The following CTNNA3 variants were observed in gnomAD, a reference collection of about 807,000 sequenced individuals.
CTNNA3 encodes catenin alpha-3.
A neutral mutation model predicts 95.7 loss-of-function variants in CTNNA3; 76 were observed. The observed-to-expected ratio is 0.79, with a 90% CI of 0.66 to 0.96. The LOEUF is 0.96. CTNNA3 is among the 40% of genes least tolerant of loss of function. The pLI is 0.00. For missense variants in CTNNA3, 1,191 were observed against 1,089.8 expected (o/e 1.09, Z -1.31); for synonymous variants, 431 against 374.4 (o/e 1.15, Z -1.74).
intron 7 of CTNNA3, among the ~76,000 whole-genome samples, chr10:66,790,295 C>T (rs1185250542): frequency 3.3e-5 from 5 of 151,956 alleles, no homozygotes; most frequent in Non-Finnish European, 7.4e-5. Context: ...CTAAAAAATA[C>T]AAAAATTACC....
At position 66,441,838 on chromosome 10, in the gene CTNNA3, T is replaced by C. The variant is rs560916915; in HGVS notation, c.1532-62486A>G. On this transcript the variant is annotated intron_variant, in intron 11 of 17. Transcript: ENST00000433211. Reference sequence around the variant, plus strand: ...AGCTGTGTATTTGCCAGATTAGAAATAAGGCTAGACTTCTGATTTCTGGAG... The same window carrying C: ...AGCTGTGTATTTGCCAGATTAGAAACAAGGCTAGACTTCTGATTTCTGGAG... 2.6e-5 allele frequency among the ~76,000 whole-genome samples: 4 copies of C among 152,306 alleles called. No homozygotes were observed. In the South Asian group the frequency reaches 8.3e-4, roughly 32 times the overall value.
At chr10:66,609,337 A>C (rs187116246) in intron 10 of CTNNA3, among the ~76,000 whole-genome samples, 4 of 149,234 alleles carry the variant, frequency 2.7e-5, no homozygotes, top group African/African-American at 9.9e-5. Flanking sequence ...TGCTGGGATT[A>C]CAGTTGTCAG....
At position 66,195,425 on chromosome 10, in the gene CTNNA3, T is replaced by C. The variant is rs146323034; in HGVS notation, c.1884+85045A>G. On this transcript the variant is annotated intron_variant, in intron 13 of 17. Coordinates refer to ENST00000433211, the MANE Select transcript of CTNNA3 (RefSeq NM_013266.4). The stretch of plus-strand genomic sequence containing the variant: ...GAGTACTCTCTGATATCATGGATAA[T>C]GTAAATAATATTAAAATGAATATTA... 3.2e-4 allele frequency among the ~76,000 whole-genome samples: 49 copies of C among 152,336 alleles called. No homozygotes were observed. The East Asian group carries it at 8.5e-3, about 26-fold the overall frequency.
At chr10:66,034,768 T>C (rs1456275925) in intron 15 of CTNNA3, among the ~76,000 whole-genome samples, 1 of 152,140 alleles carries the variant, frequency 6.6e-6, no homozygotes, top group Non-Finnish European at 1.5e-5. Flanking sequence ...CAATTAAAGC[T>C]CATGAAGGGA....
At chr10:67,426,427 G>A (rs947651259) in intron 5 of CTNNA3, among the ~76,000 whole-genome samples, 5 of 152,036 alleles carry the variant, frequency 3.3e-5, no homozygotes, top group African/African-American at 1.2e-4. Context: ...TAAAGCAAAT[G>A]ATGCTGTTTG....
chr10:67,636,685 G>A (rs1055351680), intron 2 of CTNNA3, among the ~76,000 whole-genome samples: 11 of 152,146 alleles, frequency 7.2e-5, no homozygotes, highest in African/African-American at 2.6e-4. Context: ...GAAAGATCAG[G>A]CAGCAACATT....
chr10:67,082,764 T>C (rs1359876357), intron 7 of CTNNA3, among the ~76,000 whole-genome samples: 1 of 152,192 alleles, frequency 6.6e-6, no homozygotes, highest in African/African-American at 2.4e-5. Flanking sequence ...GATTTCTGAA[T>C]ATGAGTGTTA....
Position 66,379,150 on chromosome 10 carries a change from AC to A in CTNNA3, c.1732+1del. 6.2e-7 allele frequency: 1 copy of A among 1,611,716 alleles called. No individual in the cohort carries two copies. Among genetic ancestry groups the A allele is most frequent in the East Asian group, 2.2e-5 (1 of 44,852 alleles). On this transcript the variant is annotated splice_donor_variant, in intron 12 of 17. Coordinates refer to ENST00000433211, the MANE Select transcript of CTNNA3 (RefSeq NM_013266.4). LOFTEE classifies it high-confidence loss of function. ...TGCAGCTGTTATTGGCAACTGACTT[AC>A]CAGTACTTGTAAGGAAGTTAACATT...
intron 11 of CTNNA3, among the ~76,000 whole-genome samples, chr10:66,384,498 T>C (rs1455033655): frequency 1.3e-5 from 2 of 152,104 alleles, no homozygotes; most frequent in Non-Finnish European, 2.9e-5. Context: ...AATGGGAGAC[T>C]TTAACACCCC....
intron 15 of CTNNA3, among the ~76,000 whole-genome samples, chr10:66,030,018 GA>G (rs971483483): frequency 4.3e-4 from 66 of 152,220 alleles, no homozygotes; most frequent in African/African-American, 1.5e-3. Context: ...GCTATACAAG[GA>G]GGTGAAAGAT....
At chr10:66,328,019 A>G (rs1038546122) in intron 12 of CTNNA3, among the ~76,000 whole-genome samples, 1 of 152,086 alleles carries the variant, frequency 6.6e-6, no homozygotes, top group African/African-American at 2.4e-5. Flanking sequence ...GGAATCTAAC[A>G]TCACCATTCT....
chr10:66,177,393 T>G (rs2085769516), intron 13 of CTNNA3, among the ~76,000 whole-genome samples: 1 of 151,962 alleles, frequency 6.6e-6, no homozygotes, highest in Admixed American at 6.6e-5. Context: ...TACATCTAAA[T>G]GCACCAGATT....
At chr10:65,965,410 T>C (rs550124033) in intron 17 of CTNNA3, among the ~76,000 whole-genome samples, 4,428 of 141,162 alleles carry the variant, frequency 0.031, 157 homozygotes, top group Middle Eastern at 0.096. Flanking sequence ...TTTTTTTTTT[T>C]TTTTTTTTTT....
intron 2 of CTNNA3, among the ~76,000 whole-genome samples, chr10:67,612,156 C>A (rs542230632): frequency 7.2e-5 from 11 of 152,046 alleles, no homozygotes; most frequent in South Asian, 6.2e-4. Flanking sequence ...CAACACCCCC[C>A]CAAACCAACT....
intron 15 of CTNNA3, among the ~76,000 whole-genome samples, chr10:66,023,590 T>A (rs373214722): frequency 1.3e-5 from 2 of 152,200 alleles, no homozygotes; most frequent in East Asian, 1.9e-4. Flanking sequence ...CTATGAATGT[T>A]ACAACAAATT....
At chr10:67,525,044 T>C (rs1214696236) in intron 4 of CTNNA3, among the ~76,000 whole-genome samples, 1 of 152,170 alleles carries the variant, frequency 6.6e-6, no homozygotes, top group Non-Finnish European at 1.5e-5. Flanking sequence ...GGAAGCACAA[T>C]TAATTGAAGA....
chr10:65,944,886 AT>A, intron 17 of CTNNA3, among the ~76,000 whole-genome samples: 1 of 138,294 alleles, frequency 7.2e-6, no homozygotes, highest in Non-Finnish European at 1.6e-5. Flanking sequence ...CTATCTATCT[AT>A]CTATCTATCT....
intron 10 of CTNNA3, among the ~76,000 whole-genome samples, chr10:66,615,504 T>C (rs547620238): frequency 2.6e-5 from 4 of 152,070 alleles, no homozygotes; most frequent in Admixed American, 2.6e-4. Context: ...GGTGGGTATA[T>C]TTTTATTTTT....
rs184800099 is a variant in CTNNA3, at chr10:67,470,870, T to C, written c.579+50972A>G. 2.1e-3 allele frequency among the ~76,000 whole-genome samples: 318 copies of C among 152,292 alleles called. 1 individual carries two copies. The highest frequency in any genetic ancestry group is 7.1e-3 in the African/African-American group (295 of 41,554). On this transcript the variant is annotated intron_variant, in intron 5 of 17. Coordinates refer to ENST00000433211, the MANE Select transcript of CTNNA3 (RefSeq NM_013266.4). ...GTCACAGCTCACTGCAGTCTTGACC[T>C]CCCAGGATAAAGTGATCCTCTCACC...
Sources: allele counts gnomAD v4.1 joint callset (sites outside exome capture counted in the v4.1 genomes callset), GRCh38; gene constraint gnomAD v4.1.1; transcripts MANE v1.5; gene names NCBI Gene and HGNC (gene_info 2026-07-23, HGNC 2026-07-21).